The following MALRD1 variants were observed in gnomAD, a reference collection of about 807,000 sequenced individuals.
MALRD1 encodes MAM and LDL receptor class A domain containing 1.
A neutral mutation model predicts 242.1 loss-of-function variants in MALRD1; 247 were observed. The observed-to-expected ratio is 1.02, with a 90% CI of 0.92 to 1.13. The LOEUF is 1.13. Among genes scored for constraint, MALRD1 ranks in the 50% most tolerant of loss-of-function variants. MALRD1 has a pLI of 0.00. For missense variants in MALRD1, 2,989 were observed against 2,533.1 expected, an observed-to-expected ratio of 1.18 and a Z score of -3.86; for synonymous variants, 995 against 866.6, an observed-to-expected ratio of 1.15 and a Z score of -2.60.
intron 36 of MALRD1, among the ~76,000 whole-genome samples, chr10:19,621,320 T>A (rs1839389466): frequency 1.8e-5 from 2 of 110,740 alleles, no homozygotes; most frequent in South Asian, 5.3e-4. Context: ...CACTTTAATT[T>A]AAAATTTTAA....
chr10:19,524,348 G>A lies in MALRD1; in HGVS notation c.5321-6846G>A, dbSNP rs559337845. Among the ~76,000 whole-genome samples the A allele has an allele frequency of 5.2e-4, 79 of 151,908 alleles. 1 individual carries two copies. In the South Asian group the frequency reaches 0.012, roughly 24 times the overall value. ...AAAAATTAGCTGGGCGTGGTGGTGC[G>A]TGCCTGTAGTCCCAGCTACTTGGGA... On this transcript the variant is annotated intron_variant, in intron 31 of 39. Transcript: ENST00000454679.
At chr10:19,683,443 A>G (rs1054328220) in intron 36 of MALRD1, among the ~76,000 whole-genome samples, 1 of 152,196 alleles carries the variant, frequency 6.6e-6, no homozygotes, top group Non-Finnish European at 1.5e-5. Context: ...ATTCTCATAC[A>G]CATTCTGAGA....
At chr10:19,459,029 GAC>G (rs1439299235) in intron 29 of MALRD1, among the ~76,000 whole-genome samples, 1 of 152,032 alleles carries the variant, frequency 6.6e-6, no homozygotes, top group Admixed American at 6.6e-5. Flanking sequence ...TACATAAAGA[GAC>G]ATTATTTAAC....
chr10:19,522,282 G>T (rs1018114197), intron 31 of MALRD1, among the ~76,000 whole-genome samples: 1 of 152,034 alleles, frequency 6.6e-6, no homozygotes, highest in Non-Finnish European at 1.5e-5. Flanking sequence ...ATACTTCATT[G>T]TACCATTGTT....
chr10:19,445,436 C>T (rs79672387), intron 28 of MALRD1, among the ~76,000 whole-genome samples: 4 of 152,184 alleles, frequency 2.6e-5, no homozygotes, highest in Non-Finnish European at 4.4e-5. Context: ...TTCTCCCCAT[C>T]TTTGTGGTTT....
intron 31 of MALRD1, among the ~76,000 whole-genome samples, chr10:19,514,974 T>C (rs1246835032): frequency 6.6e-6 from 1 of 152,144 alleles, no homozygotes; most frequent in Admixed American, 6.5e-5. Context: ...TGATCACACA[T>C]AAAATATCTG....
At chr10:19,352,859 A>T (rs1011971792) in intron 26 of MALRD1, among the ~76,000 whole-genome samples, 2 of 152,172 alleles carry the variant, frequency 1.3e-5, no homozygotes, top group African/African-American at 4.8e-5. Context: ...ATTCCTACAG[A>T]TACAATGTTG....
intron 26 of MALRD1, among the ~76,000 whole-genome samples, chr10:19,355,884 A>C (rs1247644744): frequency 9.5e-6 from 1 of 105,248 alleles, no homozygotes; most frequent in Non-Finnish European, 2.1e-5. Flanking sequence ...TTAGCTAAGC[A>C]TATATATATG....
chr10:19,145,140 T>G (rs1301159744), intron 10 of MALRD1, among the ~76,000 whole-genome samples: 1 of 152,206 alleles, frequency 6.6e-6, no homozygotes, highest in Non-Finnish European at 1.5e-5. Context: ...TAATAATGAA[T>G]TTCTCGAAAG....
chr10:19,718,033 G>A (rs865993961), intron 38 of MALRD1, among the ~76,000 whole-genome samples: 1 of 114,400 alleles, frequency 8.7e-6, no homozygotes, highest in Non-Finnish European at 1.7e-5. Flanking sequence ...AATAAATAAA[G>A]AGGAAGAAGA....
chr10:19,104,941 TA>T (rs1259780113), intron 5 of MALRD1, among the ~76,000 whole-genome samples: 1 of 152,150 alleles, frequency 6.6e-6, no homozygotes, highest in Non-Finnish European at 1.5e-5. Context: ...CATGTGATGT[TA>T]AATACATGTA....
chr10:19,238,297 T>A (rs1418270902), intron 18 of MALRD1, among the ~76,000 whole-genome samples: 1 of 72,904 alleles, frequency 1.4e-5, no homozygotes, highest in Non-Finnish European at 2.3e-5. Flanking sequence ...TAATATATAT[T>A]ATATATAATA....
At chr10:19,314,800 A>G (rs975105304) in intron 21 of MALRD1, among the ~76,000 whole-genome samples, 1 of 151,392 alleles carries the variant, frequency 6.6e-6, no homozygotes, top group Non-Finnish European at 1.5e-5. Flanking sequence ...AATATTTTCT[A>G]TCTAGATCTT....
chr10:19,581,384 A>C (rs1440701011), intron 33 of MALRD1, among the ~76,000 whole-genome samples: 3 of 108,284 alleles, frequency 2.8e-5, no homozygotes, highest in African/African-American at 3.6e-5. Context: ...CCCACCCCAC[A>C]ACAGTCCCCA....
chr10:19,621,944 GA>G (rs1385837828), intron 36 of MALRD1, among the ~76,000 whole-genome samples: 1 of 151,666 alleles, frequency 6.6e-6, no homozygotes, highest in Non-Finnish European at 1.5e-5. Context: ...AAAAGTCTTT[GA>G]AAAAATTTAA....
intron 12 of MALRD1, among the ~76,000 whole-genome samples, chr10:19,161,392 T>C (rs1834393970): frequency 8.2e-6 from 1 of 121,418 alleles, no homozygotes. Context: ...TTGGGAGATA[T>C]ACCTAATGCT....
intron 2 of MALRD1, among the ~76,000 whole-genome samples, chr10:19,077,734 T>C (rs1460782370): frequency 6.6e-6 from 1 of 151,868 alleles, no homozygotes; most frequent in African/African-American, 2.4e-5. Flanking sequence ...ACACATCAGT[T>C]AAGGGTTCCC....
chr10:19,197,787 GTGTTTTTAT>G (rs1380884726), intron 14 of MALRD1, among the ~76,000 whole-genome samples: 1 of 151,854 alleles, frequency 6.6e-6, no homozygotes, highest in East Asian at 1.9e-4. Flanking sequence ...TATTTATCTT[GTGTTTTTAT>G]TGTTATCTCC....
chr10:19,488,198 A>G (rs1043251102), intron 29 of MALRD1, among the ~76,000 whole-genome samples: 3 of 152,220 alleles, frequency 2.0e-5, no homozygotes, highest in African/African-American at 7.2e-5. Flanking sequence ...GAATTGCTCT[A>G]AAAATTCTAT....
Sources: gnomAD v4.1 joint callset for allele counts (sites outside exome capture counted in the v4.1 genomes callset) on GRCh38, gnomAD v4.1.1 for gene constraint, MANE v1.5 for transcripts, NCBI Gene and HGNC (gene_info 2026-07-23, HGNC 2026-07-21) for gene names.